The following CHM variants were observed in gnomAD, a reference collection of about 807,000 sequenced individuals.
The protein encoded by CHM is rab proteins geranylgeranyltransferase component A 1.
Under a neutral mutation model 49.0 loss-of-function variants are expected in CHM, and 10 were observed. The ratio of observed to expected loss-of-function variants is 0.20; its 90% confidence interval spans 0.13 to 0.35. CHM has a LOEUF of 0.35. Ranked by LOEUF, CHM falls within the 10% of genes least tolerant of loss-of-function variation. The pLI is 1.00. For missense variants in CHM, 455 were observed against 478.4 expected (o/e 0.95, Z 0.46); for synonymous variants, 184 against 167.5 (o/e 1.10, Z -0.76).
At chrX:86,035,887 G>A (rs1934221118) in intron 1 of CHM, among the ~76,000 whole-genome samples, 1 of 100,752 alleles carries the variant, frequency 9.9e-6, no homozygotes, top group Admixed American at 1.1e-4. Context: ...TCCGCCTCCC[G>A]GGTTCACGCC....
At position 85,956,306 on chromosome X, in the gene CHM, A is replaced by C. The variant is rs1930004263; in HGVS notation, c.1013T>G (p.Met338Arg). 2 of 1,211,782 alleles carry C rather than the reference A, an allele frequency of 1.7e-6. No individual in the cohort carries two copies. The highest frequency in any genetic ancestry group is 5.9e-5 in the East Asian group (2 of 33,822). Reference protein sequence around the residue: ...KLTPNLQYIVMHSIAMTSETA... With the variant: ...KLTPNLQYIVRHSIAMTSETA... Reference sequence around the variant, plus strand: ...CTCTGATGTCATTGCAATTGAATGCATGACAATATATTGGAGGTTGGGGGT... The same window carrying C: ...CTCTGATGTCATTGCAATTGAATGCCTGACAATATATTGGAGGTTGGGGGT... Residue 338 changes from methionine (M) to arginine (R), a missense_variant, in exon 8 of 15, where the codon ATG becomes AGG. Physicochemically the swap from Met to Arg is moderately conservative, Grantham distance 91. Coordinates refer to ENST00000357749, the MANE Select transcript of CHM (RefSeq NM_000390.4).
At chrX:85,957,004 G>T (rs768864279) in intron 7 of CHM, among the ~76,000 whole-genome samples, 2 of 111,144 alleles carry the variant, frequency 1.8e-5, no homozygotes, top group East Asian at 5.6e-4. Context: ...AAACTTTACA[G>T]AAATAATTTA....
intron 8 of CHM, among the ~76,000 whole-genome samples, chrX:85,942,766 T>TTA (rs763473700): frequency 1.4e-4 from 15 of 107,967 alleles, no homozygotes; most frequent in East Asian, 2.9e-4. Context: ...TTTTTTTTTT[T>TTA]TATATATATA....
intron 13 of CHM, among the ~76,000 whole-genome samples, chrX:85,873,668 C>T (rs780179939): frequency 9.0e-6 from 1 of 110,599 alleles, no homozygotes; most frequent in Admixed American, 9.7e-5. Context: ...ATTGGTATGA[C>T]GTTTCTTTTG....
chrX:85,887,626 A>G (rs933499928), intron 12 of CHM, among the ~76,000 whole-genome samples: 1 of 111,674 alleles, frequency 9.0e-6, no homozygotes, highest in Non-Finnish European at 1.9e-5. Flanking sequence ...AGAAGAAGAC[A>G]GGAAAATGTG....
intron 2 of CHM, among the ~76,000 whole-genome samples, chrX:86,019,294 T>C (rs1209045380): frequency 1.8e-5 from 2 of 111,526 alleles, no homozygotes; most frequent in Non-Finnish European, 3.8e-5. Context: ...ATAGAACTCA[T>C]GGGAGAGAAC....
intron 2 of CHM, among the ~76,000 whole-genome samples, chrX:86,011,961 T>C (rs1300494995): frequency 8.9e-6 from 1 of 111,907 alleles, no homozygotes; most frequent in East Asian, 2.8e-4. Context: ...CTTGACTTCG[T>C]CCCCGTAAGA....
chrX:85,946,124 A>C (rs1465788564), intron 8 of CHM, among the ~76,000 whole-genome samples: 3 of 112,484 alleles, frequency 2.7e-5, no homozygotes, highest in Non-Finnish European at 5.6e-5. Context: ...TAAATGACTT[A>C]AGTTGGAACT....
At chrX:86,008,278 G>A (rs1405668621) in intron 2 of CHM, among the ~76,000 whole-genome samples, 1 of 111,110 alleles carries the variant, frequency 9.0e-6, no homozygotes, top group Non-Finnish European at 1.9e-5. Flanking sequence ...GCTGGGGGAA[G>A]AATAGCATTA....
intron 8 of CHM, among the ~76,000 whole-genome samples, chrX:85,936,859 C>G (rs1258064411): frequency 1.8e-5 from 2 of 112,061 alleles, no homozygotes; most frequent in East Asian, 5.6e-4. Flanking sequence ...GAATGGCAAT[C>G]TTAAATTTAG....
intron 2 of CHM, among the ~76,000 whole-genome samples, chrX:85,993,369 TC>T (rs1932295142): frequency 9.0e-6 from 1 of 111,234 alleles, no homozygotes; most frequent in Non-Finnish European, 1.9e-5. Flanking sequence ...TCCTCACATA[TC>T]CATTCTAGTT....
intron 11 of CHM, among the ~76,000 whole-genome samples, chrX:85,899,625 A>G (rs1309266497): frequency 9.2e-6 from 1 of 109,144 alleles, no homozygotes; most frequent in Non-Finnish European, 1.9e-5. Flanking sequence ...TTTAAAAAAT[A>G]TGACAAGCTG....
intron 1 of CHM, among the ~76,000 whole-genome samples, chrX:86,033,744 G>A (rs1934128936): frequency 9.0e-6 from 1 of 111,433 alleles, no homozygotes; most frequent in Admixed American, 9.6e-5. Flanking sequence ...AATTGCAAAT[G>A]AAGTAGCCTA....
intron 12 of CHM, among the ~76,000 whole-genome samples, chrX:85,886,116 T>G (rs1414313361): frequency 1.8e-5 from 2 of 111,076 alleles, no homozygotes; most frequent in Non-Finnish European, 3.8e-5. Flanking sequence ...AACATTCAGA[T>G]AGAATGGTAA....
chrX:85,915,297 A>G (rs1388496746), intron 8 of CHM, among the ~76,000 whole-genome samples: 1 of 111,914 alleles, frequency 8.9e-6, no homozygotes, highest in Non-Finnish European at 1.9e-5. Flanking sequence ...TTGAAGGAAC[A>G]TGGCTCAAAA....
chrX:85,869,915 T>C (rs986465694), intron 14 of CHM, among the ~76,000 whole-genome samples: 5 of 112,512 alleles, frequency 4.4e-5, no homozygotes, highest in Admixed American at 2.8e-4. Flanking sequence ...AAGTGAATTA[T>C]TTAAAATATT....
intron 4 of CHM, among the ~76,000 whole-genome samples, chrX:85,976,789 T>C (rs1292896553): frequency 9.1e-6 from 1 of 110,065 alleles, no homozygotes. Context: ...CTAGTCTCCA[T>C]GTGGTTCTCA....
At chrX:85,955,748 A>G (rs1488581960) in intron 8 of CHM, among the ~76,000 whole-genome samples, 2 of 112,427 alleles carry the variant, frequency 1.8e-5, no homozygotes, top group East Asian at 5.6e-4. Flanking sequence ...ATTCTTGAAC[A>G]TACACAACTT....
At chrX:85,866,463 GA>G (rs1923703163) in intron 14 of CHM, among the ~76,000 whole-genome samples, 2 of 112,921 alleles carry the variant, frequency 1.8e-5, no homozygotes, top group South Asian at 7.2e-4. Context: ...AGCCCTCATG[GA>G]GAACCTCTGC....
Sources: gnomAD v4.1 joint callset for allele counts (sites outside exome capture counted in the v4.1 genomes callset) on GRCh38, gnomAD v4.1.1 for gene constraint, MANE v1.5 for transcripts, NCBI Gene and HGNC (gene_info 2026-07-23, HGNC 2026-07-21) for gene names.